ZMAT4: variants seen among roughly 807,000 people sequenced by gnomAD.
ZMAT4 encodes the protein zinc finger matrin-type protein 4.
ZMAT4 carries 17 observed loss-of-function variants against 28.7 expected under a neutral mutation model. That is an observed-to-expected ratio of 0.59 (90% CI 0.41 to 0.89). ZMAT4 has a LOEUF of 0.89. Among genes scored for constraint, ZMAT4 ranks in the 40% least tolerant of loss-of-function variants. ZMAT4 has a pLI of 0.00. For synonymous variants in ZMAT4, 117 were observed against 109.2 expected (o/e 1.07, Z -0.44); for missense variants, 240 against 283.8 (o/e 0.85, Z 1.11).
intron 2 of ZMAT4, among the ~76,000 whole-genome samples, chr8:40,792,251 A>G (rs1184291631): frequency 6.6e-6 from 1 of 151,918 alleles, no homozygotes; most frequent in East Asian, 2.0e-4. Flanking sequence ...GCAATTTCAT[A>G]TGGTTCAACC....
At chr8:40,881,433 G>A (rs368877257) in intron 1 of ZMAT4, among the ~76,000 whole-genome samples, 45 of 70,276 alleles carry the variant, frequency 6.4e-4, no homozygotes, top group East Asian at 3.9e-3. Context: ...AGAAGAAAGA[G>A]AGAAAGAAAG....
At chr8:40,820,331 T>G (rs1815711583) in intron 2 of ZMAT4, among the ~76,000 whole-genome samples, 1 of 151,348 alleles carries the variant, frequency 6.6e-6, no homozygotes, top group Admixed American at 6.6e-5. Context: ...TGTGTATATG[T>G]GTATGTGTGT....
chr8:40,798,506 C>T (rs1372381433), intron 2 of ZMAT4, among the ~76,000 whole-genome samples: 1 of 152,174 alleles, frequency 6.6e-6, no homozygotes, highest in African/African-American at 2.4e-5. Context: ...ATACCTCTTA[C>T]TCCCTGACTG....
At chr8:40,542,453 A>G (rs983722640) in intron 6 of ZMAT4, among the ~76,000 whole-genome samples, 1 of 151,998 alleles carries the variant, frequency 6.6e-6, no homozygotes, top group African/African-American at 2.4e-5. Flanking sequence ...CAGTGGTGTG[A>G]TCATAGCTCA....
chr8:40,542,254 T>C (rs1803059444), intron 6 of ZMAT4, among the ~76,000 whole-genome samples: 1 of 152,074 alleles, frequency 6.6e-6, no homozygotes, highest in African/African-American at 2.4e-5. Flanking sequence ...GGGAAGCTGA[T>C]GGAGAAGACC....
chr8:40,715,812 A>G (rs1400209527), intron 3 of ZMAT4, among the ~76,000 whole-genome samples: 2 of 152,222 alleles, frequency 1.3e-5, no homozygotes, highest in Non-Finnish European at 1.5e-5. Flanking sequence ...TTCGTTCAGC[A>G]GGTTCCCCTG....
chr8:40,636,116 T>G (rs188881703), intron 5 of ZMAT4, among the ~76,000 whole-genome samples: 2 of 152,356 alleles, frequency 1.3e-5, no homozygotes, highest in African/African-American at 4.8e-5. Context: ...CTGCAATGAT[T>G]CATACATGCC....
intron 2 of ZMAT4, among the ~76,000 whole-genome samples, chr8:40,777,152 AGGATAACAG>A (rs1321804970): frequency 6.6e-6 from 1 of 152,232 alleles, no homozygotes; most frequent in Non-Finnish European, 1.5e-5. Flanking sequence ...AACAATGGGA[AGGATAACAG>A]GGATAGCAGC....
chr8:40,729,683 C>T (rs995146440), intron 3 of ZMAT4, among the ~76,000 whole-genome samples: 3 of 151,818 alleles, frequency 2.0e-5, no homozygotes, highest in African/African-American at 4.8e-5. Flanking sequence ...CAACCTCCAC[C>T]TCCCGGGTTC....
intron 6 of ZMAT4, among the ~76,000 whole-genome samples, chr8:40,545,933 C>T (rs1426039871): frequency 4.9e-5 from 7 of 144,216 alleles, no homozygotes; most frequent in African/African-American, 1.8e-4. Context: ...TGCTGACCCC[C>T]TCACCCTGAA....
At chr8:40,534,317 G>A (rs1802779928) in intron 6 of ZMAT4, among the ~76,000 whole-genome samples, 2 of 152,100 alleles carry the variant, frequency 1.3e-5, no homozygotes, top group African/African-American at 2.4e-5. Context: ...CATCCCATTT[G>A]ATACAAAAGA....
chr8:40,818,522 A>G (rs1256305053), intron 2 of ZMAT4, among the ~76,000 whole-genome samples: 10 of 152,254 alleles, frequency 6.6e-5, no homozygotes, highest in Non-Finnish European at 1.5e-4. Context: ...ATCTGGGAGA[A>G]ATTAAGCACT....
chr8:40,606,002 T>C (rs2118636973), intron 5 of ZMAT4, among the ~76,000 whole-genome samples: 1 of 152,296 alleles, frequency 6.6e-6, no homozygotes, highest in South Asian at 2.1e-4. Context: ...CTTCTGTCAC[T>C]TTTGGTGTCC....
chr8:40,704,452 T>C (rs559203255), intron 3 of ZMAT4, among the ~76,000 whole-genome samples: 1 of 152,344 alleles, frequency 6.6e-6, no homozygotes, highest in East Asian at 1.9e-4. Flanking sequence ...TCAAGACGTC[T>C]GCAAATTTCA....
At chr8:40,564,132 TTCCAGAATAC>T (rs1386865115) in intron 6 of ZMAT4, among the ~76,000 whole-genome samples, 1 of 152,150 alleles carries the variant, frequency 6.6e-6, no homozygotes, top group Non-Finnish European at 1.5e-5. Flanking sequence ...GGTCAAGTAG[TTCCAGAATAC>T]TTGAAATATT....
chr8:40,725,725 C>T (rs920658943), intron 3 of ZMAT4, among the ~76,000 whole-genome samples: 1 of 152,006 alleles, frequency 6.6e-6, no homozygotes, highest in Non-Finnish European at 1.5e-5. Context: ...GAGCCAAGAT[C>T]GTGCCACTGC....
intron 5 of ZMAT4, among the ~76,000 whole-genome samples, chr8:40,589,992 C>CCTTA (rs1804832438): frequency 3.7e-5 from 4 of 106,830 alleles, no homozygotes; most frequent in African/African-American, 1.4e-4. Context: ...TTCCTTCCTT[C>CCTTA]CTTCCTTCCT....
At chr8:40,599,897 T>C (rs1805240497) in intron 5 of ZMAT4, among the ~76,000 whole-genome samples, 1 of 152,210 alleles carries the variant, frequency 6.6e-6, no homozygotes, top group African/African-American at 2.4e-5. Flanking sequence ...GCACAGTGCC[T>C]GAGTCACCCT....
rs111466944 is a variant in ZMAT4, at chr8:40,709,239, AT to A, written c.193-11839del. On this transcript the variant is annotated intron_variant, in intron 3 of 6. Transcript: ENST00000297737. Reference sequence around the variant, plus strand: ...TTATTTGTATTATTTTTATTGTTGTATTTTTTTTATTGTTGTATTATTTTTA... The same window carrying A: ...TTATTTGTATTATTTTTATTGTTGTATTTTTTTATTGTTGTATTATTTTTA... Among the ~76,000 whole-genome samples the A allele has an allele frequency of 8.3e-3, 1,155 of 138,374 alleles. 10 individuals carry two copies. Among genetic ancestry groups the A allele is most frequent in the African/African-American group, 0.026 (978 of 37,436 alleles). The allele number at this position is 138,374 out of a possible 152,430, so 90.8% of individuals were successfully genotyped here. A position where few individuals can be genotyped will look rare whatever the true frequency, so the allele number is the denominator to read the frequency against.
Sources: allele counts gnomAD v4.1 joint callset (sites outside exome capture counted in the v4.1 genomes callset), GRCh38; gene constraint gnomAD v4.1.1; transcripts MANE v1.5; gene names NCBI Gene and HGNC (gene_info 2026-07-23, HGNC 2026-07-21).